KIAA1328: variants seen among roughly 807,000 people sequenced by gnomAD.
KIAA1328 encodes the protein protein hinderin.
A neutral mutation model predicts 68.1 loss-of-function variants in KIAA1328; 52 were observed. The observed-to-expected ratio is 0.76, with a 90% CI of 0.61 to 0.96. The LOEUF (loss-of-function observed/expected upper bound fraction) is 0.96. Ranked by LOEUF, KIAA1328 falls within the 40% of genes least tolerant of loss-of-function variation. The pLI, the probability that KIAA1328 is intolerant of heterozygous loss-of-function variation, is 0.00. For synonymous variants in KIAA1328, 232 were observed against 239.4 expected (o/e 0.97, Z 0.28); for missense variants, 641 against 677.6 (o/e 0.95, Z 0.60).
At chr18:36,832,351 C>T (rs887344723) in intron 1 of KIAA1328, among the ~76,000 whole-genome samples, 7 of 151,924 alleles carry the variant, frequency 4.6e-5, no homozygotes, top group African/African-American at 1.7e-4. Flanking sequence ...TTTTGGGAGG[C>T]CAAAGCAGGT....
chr18:37,046,590 A>T (rs763711160), intron 6 of KIAA1328, among the ~76,000 whole-genome samples: 1 of 152,202 alleles, frequency 6.6e-6, no homozygotes, highest in African/African-American at 2.4e-5. Flanking sequence ...CTTACCTTCT[A>T]TCTGAAATCT....
intron 5 of KIAA1328, among the ~76,000 whole-genome samples, chr18:36,895,295 A>C (rs1384379072): frequency 3.3e-5 from 5 of 152,182 alleles, no homozygotes; most frequent in Non-Finnish European, 5.9e-5. Context: ...TGAATGCAGG[A>C]GCATTTCAAT....
intron 6 of KIAA1328, among the ~76,000 whole-genome samples, chr18:37,056,711 T>G (rs1176511172): frequency 2.0e-5 from 3 of 152,128 alleles, no homozygotes; most frequent in Non-Finnish European, 4.4e-5. Context: ...AGTGCAGTAG[T>G]GTGATCTCGG....
intron 8 of KIAA1328, among the ~76,000 whole-genome samples, chr18:37,163,182 G>A (rs571495674): frequency 5.3e-5 from 8 of 152,122 alleles, no homozygotes; most frequent in East Asian, 3.9e-4. Flanking sequence ...AGCAATCATC[G>A]ATATTCCCTT....
At chr18:37,049,323 A>G (rs1392989919) in intron 6 of KIAA1328, among the ~76,000 whole-genome samples, 1 of 152,176 alleles carries the variant, frequency 6.6e-6, no homozygotes, top group Admixed American at 6.5e-5. Flanking sequence ...AATGGAGGAA[A>G]ATGATGCCAA....
chr18:36,995,472 C>A (rs1488579670), intron 6 of KIAA1328, among the ~76,000 whole-genome samples: 1 of 152,108 alleles, frequency 6.6e-6, no homozygotes, highest in Non-Finnish European at 1.5e-5. Context: ...GGTATCTTTT[C>A]CAGTTTCTCG....
chr18:37,064,957 G>A (rs2056292432), intron 6 of KIAA1328, among the ~76,000 whole-genome samples: 1 of 152,196 alleles, frequency 6.6e-6, no homozygotes. Context: ...ATACATTTGT[G>A]TTATTTTAAG....
intron 6 of KIAA1328, among the ~76,000 whole-genome samples, chr18:37,032,734 C>T (rs1319231962): frequency 6.6e-6 from 1 of 152,128 alleles, no homozygotes; most frequent in Non-Finnish European, 1.5e-5. Context: ...CTCCGCCTCC[C>T]AGATTCAAGC....
intron 6 of KIAA1328, among the ~76,000 whole-genome samples, chr18:37,023,834 G>A (rs2054446444): frequency 6.6e-6 from 1 of 152,026 alleles, no homozygotes. Context: ...GGTTCCAAGG[G>A]TACATATACA....
chr18:36,970,670 A>G (rs1405634230), intron 6 of KIAA1328, among the ~76,000 whole-genome samples: 3 of 152,172 alleles, frequency 2.0e-5, no homozygotes, highest in Non-Finnish European at 4.4e-5. Flanking sequence ...ATAGACAGAG[A>G]GCCAAATCAT....
intron 6 of KIAA1328, among the ~76,000 whole-genome samples, chr18:36,992,828 G>T (rs916376303): frequency 6.6e-6 from 1 of 152,180 alleles, no homozygotes; most frequent in Non-Finnish European, 1.5e-5. Flanking sequence ...AACAGGCCAG[G>T]TGTGATGGCT....
At chr18:36,924,087 T>C (rs2050026012) in intron 5 of KIAA1328, 1 of 152,214 alleles carries the variant, frequency 6.6e-6, no homozygotes, top group South Asian at 2.1e-4. Context: ...TTGGTTTTGG[T>C]TAGTGACGGT....
downstream of KIAA1328, among the ~76,000 whole-genome samples, chr18:37,228,113 G>T (rs2060648573): frequency 6.6e-6 from 1 of 152,202 alleles, no homozygotes; most frequent in African/African-American, 2.4e-5. Context: ...TGAAGCTAAA[G>T]ATGTGACTGA....
chr18:36,967,335 TATA>T (rs2051982801), intron 6 of KIAA1328, among the ~76,000 whole-genome samples: 2 of 152,174 alleles, frequency 1.3e-5, no homozygotes, highest in African/African-American at 4.8e-5. Flanking sequence ...CACAAGGAGC[TATA>T]TTCTGTCAGC....
chr18:37,205,664 C>A (rs865800112), intron 9 of KIAA1328, among the ~76,000 whole-genome samples: 1 of 152,128 alleles, frequency 6.6e-6, no homozygotes. Context: ...AAATGTTTCC[C>A]TCTTGAACTA....
intron 7 of KIAA1328, among the ~76,000 whole-genome samples, chr18:37,158,584 A>G (rs1387025842): frequency 6.6e-6 from 1 of 152,162 alleles, no homozygotes; most frequent in Non-Finnish European, 1.5e-5. Flanking sequence ...TTTTTGAGAC[A>G]TGAAGAGAGG....
intron 6 of KIAA1328, among the ~76,000 whole-genome samples, chr18:36,973,789 A>G (rs1304058752): frequency 6.8e-6 from 1 of 147,386 alleles, no homozygotes; most frequent in Non-Finnish European, 1.5e-5. Context: ...ACACAGTTTT[A>G]TATATAATTG....
chr18:37,192,993 G>T (rs2059935295), intron 9 of KIAA1328, among the ~76,000 whole-genome samples: 1 of 151,986 alleles, frequency 6.6e-6, no homozygotes, highest in African/African-American at 2.4e-5. Context: ...TATCAAATTT[G>T]CCCAAATTTG....
chr18:36,849,292 A>G (rs1237116224), intron 4 of KIAA1328, among the ~76,000 whole-genome samples: 1 of 152,016 alleles, frequency 6.6e-6, no homozygotes, highest in African/African-American at 2.4e-5. Context: ...GTGGTAAAAT[A>G]CACATGACAT....
Sources: allele counts gnomAD v4.1 joint callset (sites outside exome capture counted in the v4.1 genomes callset), GRCh38; gene constraint gnomAD v4.1.1; transcripts MANE v1.5; gene names NCBI Gene and HGNC (gene_info 2026-07-23, HGNC 2026-07-21).